The following CYRIB variants were observed in gnomAD, a reference collection of about 807,000 sequenced individuals.
CYRIB encodes CYFIP-related Rac1 interactor B.
A neutral mutation model predicts 44.2 loss-of-function variants in CYRIB; 8 were observed. The observed-to-expected ratio is 0.18, with a 90% confidence interval of 0.11 to 0.33. CYRIB has a LOEUF of 0.33. Among genes scored for constraint, CYRIB ranks in the 10% least tolerant of loss-of-function variants. CYRIB has a pLI of 1.00. For synonymous variants in CYRIB, 131 were observed against 127.2 expected, an observed-to-expected ratio of 1.03 and a Z score of -0.20; for missense variants, 185 against 382.8, an observed-to-expected ratio of 0.48 and a Z score of 4.31.
intron 2 of CYRIB, among the ~76,000 whole-genome samples, chr8:129,884,123 T>C (rs2061805629): frequency 6.6e-6 from 1 of 152,298 alleles, no homozygotes; most frequent in South Asian, 2.1e-4. Flanking sequence ...CAGCTGTCAC[T>C]TCTCTCAGTC....
At chr8:129,854,489 G>A (rs1362913773) in intron 6 of CYRIB, 146 bp from the exon 9 acceptor site, 4 of 592,474 alleles carry the variant, frequency 6.8e-6, no homozygotes, top group Non-Finnish European at 1.2e-5. Context: ...ATAATCCAAG[G>A]TGGCTTATAA....
At chr8:129,879,059 T>C (rs1440865094) in intron 3 of CYRIB, among the ~76,000 whole-genome samples, 1 of 152,206 alleles carries the variant, frequency 6.6e-6, no homozygotes, top group Non-Finnish European at 1.5e-5. Flanking sequence ...ATATTGCTTC[T>C]ATTAATAAAT....
rs2088027623 is a variant in CYRIB, at chr8:129,926,787, C to T, written c.-50+12821G>A. 2.0e-5 allele frequency among the ~76,000 whole-genome samples: 3 copies of T among 152,142 alleles called. No individual in the cohort carries two copies. In the South Asian group the frequency reaches 6.2e-4, roughly 32 times the overall value. ...ACTAAGCTTGCAGTGGGGATCAGTC[C>T]TCACATGATTGCAAATAAAATTCTG... On this transcript the variant is annotated intron_variant, in intron 1 of 11. Transcript: ENST00000519824.
At chr8:129,893,563 T>C (rs2135097840) in intron 2 of CYRIB, among the ~76,000 whole-genome samples, 1 of 152,342 alleles carries the variant, frequency 6.6e-6, no homozygotes, top group Middle Eastern at 3.4e-3. Context: ...TCACAGTCTG[T>C]CACCCAGATT....
intron 2 of CYRIB, among the ~76,000 whole-genome samples, chr8:129,902,198 G>T (rs1384782109): frequency 6.6e-6 from 1 of 151,986 alleles, no homozygotes; most frequent in South Asian, 2.1e-4. Flanking sequence ...TAAAATGATG[G>T]GCTGGATTTT....
In CYRIB at chr8:129,884,797, G is replaced by A. The variant is rs550214986; in HGVS notation, c.-10-5326C>T. On this transcript the variant is annotated intron_variant, in intron 2 of 11. Transcript: ENST00000519824. ...ATAAGCTAAAAATAAATTTAACACA[G>A]ATTTAATACACAGAAACCAGACATG... 2.6e-5 allele frequency among the ~76,000 whole-genome samples: 4 copies of A among 152,226 alleles called. No individual in the cohort carries two copies. In the East Asian group the frequency reaches 7.7e-4, roughly 29 times the overall value.
chr8:129,866,285 G>T (rs1472456038), intron 4 of CYRIB, among the ~76,000 whole-genome samples: 2 of 152,158 alleles, frequency 1.3e-5, no homozygotes, highest in Non-Finnish European at 2.9e-5. Context: ...CTGTCTACCA[G>T]GGTAAATTTG....
At chr8:129,924,302 G>A in intron 1 of CYRIB, among the ~76,000 whole-genome samples, 1 of 96,168 alleles carries the variant, frequency 1.0e-5, no homozygotes, top group African/African-American at 3.7e-5. Flanking sequence ...GGGGGGGGGG[G>A]GGGTGGCGGG....
intron 1 of CYRIB, among the ~76,000 whole-genome samples, chr8:129,974,286 A>G (rs1266659752): frequency 1.3e-5 from 2 of 152,230 alleles, no homozygotes; most frequent in African/African-American, 2.4e-5. Context: ...CAAATGTGAT[A>G]TAAAGTTTTT....
At chr8:129,865,724 T>G (rs2053164181) in intron 4 of CYRIB, among the ~76,000 whole-genome samples, 2 of 152,218 alleles carry the variant, frequency 1.3e-5, no homozygotes, top group African/African-American at 4.8e-5. Context: ...AATCAATGGA[T>G]AGTAGTCAGT....
At chr8:129,960,916 C>T (rs1200639487) in intron 2 of CYRIB, among the ~76,000 whole-genome samples, 5 of 141,126 alleles carry the variant, frequency 3.5e-5, no homozygotes, top group Non-Finnish European at 7.7e-5. Context: ...TGCCACTGCA[C>T]TCCAGCCTGG....
At chr8:129,975,920 T>C (rs547842027) in intron 1 of CYRIB, among the ~76,000 whole-genome samples, 32 of 152,202 alleles carry the variant, frequency 2.1e-4, no homozygotes, top group African/African-American at 7.5e-4. Context: ...CCCCAGGTGA[T>C]TTTCATGTGC....
At chr8:130,011,514 C>A (rs2097214248) in intron 1 of CYRIB, among the ~76,000 whole-genome samples, 1 of 149,508 alleles carries the variant, frequency 6.7e-6, no homozygotes, top group Admixed American at 6.7e-5. Context: ...AAGCAAGACT[C>A]CATCTCAAAA....
At chr8:129,960,960 A>AAG (rs1375937078) in intron 2 of CYRIB, among the ~76,000 whole-genome samples, 1 of 151,242 alleles carries the variant, frequency 6.6e-6, no homozygotes, top group Non-Finnish European at 1.5e-5. Flanking sequence ...AAAAAAAAAA[A>AAG]AAAAAGAAAG....
intron 9 of CYRIB, 63 bp downstream of exon 11, chr8:129,850,772 T>C: frequency 5.3e-6 from 6 of 1,122,990 alleles, no homozygotes; most frequent in South Asian, 1.3e-5. Context: ...TATATGAACA[T>C]GTTTTGAAAT....
rs139975176 is a variant in CYRIB at position 129,915,222 on chromosome 8, C to G, written c.-49-11872G>C. On this transcript the variant is annotated intron_variant, in intron 1 of 11. Transcript: ENST00000519824. ...CATAGCACTTTACTTGTAGTAGTCT[C>G]AAACTGCAAGCAACCCAAATGTTCA... Among the ~76,000 whole-genome samples the G allele has an allele frequency of 2.0e-5, 3 of 152,282 alleles. No homozygotes were observed. In the East Asian group the frequency reaches 5.8e-4, roughly 29 times the overall value.
chr8:130,005,887 C>T (rs2097048624), intron 1 of CYRIB, among the ~76,000 whole-genome samples: 1 of 152,016 alleles, frequency 6.6e-6, no homozygotes, highest in Admixed American at 6.6e-5. Context: ...CCATCTCACA[C>T]CAGCCACCCC....
chr8:129,938,573 C>T (rs2093223254), intron 1 of CYRIB, among the ~76,000 whole-genome samples: 1 of 152,168 alleles, frequency 6.6e-6, no homozygotes, highest in Non-Finnish European at 1.5e-5. Context: ...TTGTGGTACT[C>T]CAAGGATTCA....
chr8:129,907,604 T>C (rs1038626900), intron 1 of CYRIB, among the ~76,000 whole-genome samples: 3 of 152,024 alleles, frequency 2.0e-5, no homozygotes, highest in Admixed American at 6.6e-5. Context: ...TAAAAAACTA[T>C]ATATATATGA....
Sources: allele counts gnomAD v4.1 joint callset (sites outside exome capture counted in the v4.1 genomes callset), GRCh38; gene constraint gnomAD v4.1.1; transcripts MANE v1.5; gene names NCBI Gene and HGNC (gene_info 2026-07-23, HGNC 2026-07-21).